HADH: variants seen among roughly 807,000 people sequenced by gnomAD.
The protein encoded by HADH is hydroxyacyl-coenzyme A dehydrogenase, mitochondrial.
HADH carries 24 observed loss-of-function variants against 32.2 expected under a neutral mutation model. The ratio of observed to expected loss-of-function variants is 0.75; its 90% CI spans 0.54 to 1.05. The LOEUF is 1.05. Ranked by LOEUF, HADH falls within the 50% of genes least tolerant of loss-of-function variation. The probability of loss-of-function intolerance (pLI) is 0.00; values close to 1 mark genes in which losing one functional copy is unlikely to be tolerated. For missense variants in HADH, 350 were observed against 397.1 expected (o/e 0.88, Z 1.01); for synonymous variants, 139 against 152.5 (o/e 0.91, Z 0.65).
intron 1 of HADH, among the ~76,000 whole-genome samples, chr4:107,998,618 T>A (rs1735024778): frequency 1.3e-5 from 2 of 152,044 alleles, no homozygotes; most frequent in Non-Finnish European, 2.9e-5. Flanking sequence ...GGGGAGAAGG[T>A]GAGGCCAAGA....
At chr4:107,998,682 T>G (rs6533332) in intron 1 of HADH, among the ~76,000 whole-genome samples, 131,840 of 152,098 alleles carry the variant, frequency 0.87, 58,019 homozygotes, top group East Asian at 0.97. Flanking sequence ...TGTGGTGGTG[T>G]TAAGACTGTC....
chr4:108,023,730 A>G, intron 5 of HADH, 167 bp downstream of exon 5: 1 of 660,048 alleles, frequency 1.5e-6, no homozygotes, highest in Non-Finnish European at 2.8e-6. Context: ...TCTAGTTTGT[A>G]GACAGGGAAA....
rs899878122 is a variant in HADH at position 108,035,128 on chromosome 4, C to T, written c.*771C>T. 1 of 152,206 alleles carries T rather than the reference C, an allele frequency of 6.6e-6. No individual in the cohort carries two copies. The highest frequency in any genetic ancestry group is 2.4e-5 in the African/African-American group (1 of 41,384). 9.4% of individuals were successfully genotyped at this position (152,206 alleles called of 1,614,324 possible). On this transcript the variant is annotated 3_prime_UTR_variant, in exon 8 of 8. Transcript: ENST00000309522. ...AAATGTATAATATAAAATTGTAATA[C>T]ACTCAAATGATTATAAAAGTAAAAG...
chr4:108,005,085 TC>T (rs1735252502), intron 1 of HADH: 1 of 474,480 alleles, frequency 2.1e-6, no homozygotes, highest in African/African-American at 1.9e-5. Flanking sequence ...AAACTCCTAA[TC>T]AAGATACCTT....
chr4:108,028,782 A>G (rs1280098671), intron 6 of HADH: 1 of 397,474 alleles, frequency 2.5e-6, no homozygotes, highest in African/African-American at 2.1e-5. Context: ...GTAATGTTTT[A>G]GAATGTAGCA....
At chr4:108,031,844 T>C (rs1420447513) in intron 6 of HADH, 1 of 152,562 alleles carries the variant, frequency 6.6e-6, no homozygotes, top group Non-Finnish European at 1.5e-5. Context: ...TGAATAGAAG[T>C]TGAATGAATG....
At chr4:108,030,632 G>T (rs1168294699) in intron 6 of HADH, 1 of 152,272 alleles carries the variant, frequency 6.6e-6, no homozygotes, top group Non-Finnish European at 1.5e-5. Context: ...TTCCTTTGCT[G>T]TCTTGTCTGG....
rs1736412337 is a variant in HADH at position 108,034,946 on chromosome 4, T to C, written c.*589T>C. 1 of 165,214 alleles carries C rather than the reference T, an allele frequency of 6.1e-6. No individual in the cohort carries two copies. Among genetic ancestry groups the C allele is most frequent in the African/African-American group, 2.4e-5 (1 of 41,784 alleles). 10.2% of individuals were successfully genotyped at this position (165,214 alleles called of 1,614,324 possible). A position where few individuals can be genotyped will look rare whatever the true frequency, so the allele number is the denominator to read the frequency against. On this transcript the variant is annotated 3_prime_UTR_variant, in exon 8 of 8. Transcript: ENST00000309522. ...GTCAGCATATCTCTGTTTGCATGGT[T>C]TGCAGGAGGTCGGTTTTCATGGTCA...
At position 108,023,574 on chromosome 4, in the gene HADH, G is replaced by T; in HGVS notation, c.636+11G>T. 6.9e-7 allele frequency: 1 copy of T among 1,458,652 alleles called. No individual in the cohort carries two copies. The highest frequency in any genetic ancestry group is 1.1e-5 in the South Asian group (1 of 88,046). The allele number at this position is 1,458,652 out of a possible 1,614,324, so 90.4% of individuals were successfully genotyped here. On this transcript the variant is annotated intron_variant, in intron 5 of 7. Transcript: ENST00000309522. ...CCTGTTTCTTGCAAGGTAAGAGTAT[G>T]GGTAGCTTGGGAAGGAGGTAGTTCT...
chr4:108,011,137 A>G (rs1005140838), intron 2 of HADH, among the ~76,000 whole-genome samples: 1 of 151,816 alleles, frequency 6.6e-6, no homozygotes, highest in Non-Finnish European at 1.5e-5. Flanking sequence ...GTGAGCCACC[A>G]CTCCCGGCCA....
At chr4:108,004,521 T>C in intron 1 of HADH, 1 of 626,508 alleles carries the variant, frequency 1.6e-6, no homozygotes, top group African/African-American at 1.9e-5. Flanking sequence ...CAAGAGAAAC[T>C]TAGCACTTCT....
Position 108,034,572 on chromosome 4 carries a change from A to C in HADH, c.*215A>C. ...AATAATTCCCTTTTTTAGTCTGTTC[A>C]TTTCTGTGTATTTTCTAAACAGCTT... On this transcript the variant is annotated 3_prime_UTR_variant, in exon 8 of 8. Coordinates refer to ENST00000309522, the MANE Select transcript of HADH (RefSeq NM_005327.7). 2.0e-6 allele frequency: 1 copy of C among 507,158 alleles called. No individual in the cohort carries two copies. The highest frequency in any genetic ancestry group is 3.7e-6 in the Non-Finnish European group (1 of 271,128). The allele number at this position is 507,158 out of a possible 1,614,324, so 31.4% of individuals were successfully genotyped here.
chr4:107,993,396 A>G lies in HADH; in HGVS notation c.132+3332A>G, dbSNP rs757201540. 5.3e-5 allele frequency among the ~76,000 whole-genome samples: 8 copies of G among 152,248 alleles called. No homozygotes were observed. In the East Asian group the frequency reaches 9.6e-4, roughly 18 times the overall value. On this transcript the variant is annotated intron_variant, in intron 1 of 7. Coordinates refer to ENST00000309522, the MANE Select transcript of HADH (RefSeq NM_005327.7). ...TTTATTGTTAAACTTTAGTAAAGCC[A>G]TAAAAGTACAATCACAAACTAGTAT...
intron 2 of HADH, among the ~76,000 whole-genome samples, chr4:108,013,867 A>G (rs949455532): frequency 2.0e-5 from 3 of 152,150 alleles, no homozygotes; most frequent in African/African-American, 7.2e-5. Flanking sequence ...ATTTCTGTAT[A>G]ACAGCTGAGA....
At chr4:108,033,738 G>A (rs1410049888) in intron 7 of HADH, among the ~76,000 whole-genome samples, 3 of 152,082 alleles carry the variant, frequency 2.0e-5, no homozygotes, top group Non-Finnish European at 4.4e-5. Flanking sequence ...CTGAAGACAG[G>A]GTAAAAATAA....
chr4:107,998,340 C>T (rs899879795), intron 1 of HADH, among the ~76,000 whole-genome samples: 4 of 152,152 alleles, frequency 2.6e-5, no homozygotes, highest in African/African-American at 7.2e-5. Flanking sequence ...AGTGCAGAGG[C>T]GTGATCTTGG....
Position 107,989,965 on chromosome 4 carries a change from C to T in HADH, c.33C>T (p.Ser11=). The T allele has an allele frequency of 6.2e-7, 1 of 1,612,996 alleles. No homozygotes were observed. The highest frequency in any genetic ancestry group is 8.5e-7 in the Non-Finnish European group (1 of 1,179,628). The change falls in exon 1 of 8, where the codon TCC becomes TCT. Residue 11 remains serine (S), a synonymous_variant. Coordinates refer to ENST00000309522, the MANE Select transcript of HADH (RefSeq NM_005327.7). ...TCGTCACCAGGCAGTTCATGCGTTC[C>T]GTGTCCTCCTCGTCCACCGCCTCGG... The part of the protein sequence containing the change: MAFVTRQFMR[S]VSSSSTASAS...
rs1736111678 is a variant in HADH at position 108,027,704 on chromosome 4, T to G, written c.653T>G (p.Ile218Ser). 6.2e-7 allele frequency: 1 copy of G among 1,608,692 alleles called. No homozygotes were observed. The highest frequency in any genetic ancestry group is 8.5e-7 in the Non-Finnish European group (1 of 1,175,112). ...CCAAAACAGGACACTCCTGGGTTTA[T>G]TGTGAACCGCCTCCTGGTTCCATAC... ...PVSCKDTPGF[I>S]VNRLLVPYLM... Residue 218 changes from isoleucine to serine, a missense_variant, in exon 6 of 8, where the codon ATT (isoleucine) becomes AGT (serine). Ile to Ser is a moderately radical substitution (Grantham distance 142, BLOSUM62 -2). Transcript: ENST00000309522.
intron 1 of HADH, among the ~76,000 whole-genome samples, chr4:107,990,619 G>T (rs1304729019): frequency 3.3e-5 from 5 of 152,078 alleles, no homozygotes; most frequent in Non-Finnish European, 7.3e-5. Flanking sequence ...CATGACTTTT[G>T]TAGCACTTTG....
Sources: allele counts gnomAD v4.1 joint callset (sites outside exome capture counted in the v4.1 genomes callset), GRCh38; gene constraint gnomAD v4.1.1; transcripts MANE v1.5; gene names NCBI Gene and HGNC (gene_info 2026-07-23, HGNC 2026-07-21).